Variants in RPS6KC1 observed in about 807,000 individuals in gnomAD.
RPS6KC1 encodes the protein ribosomal protein S6 kinase C1, also known as inactive ribosomal protein S6 kinase delta-1.
Under a neutral mutation model 103.8 loss-of-function variants are expected in RPS6KC1, and 54 were observed. The ratio of observed to expected loss-of-function variants is 0.52; its 90% confidence interval spans 0.42 to 0.65. The LOEUF is 0.65. Ranked by LOEUF, RPS6KC1 falls within the 30% of genes least tolerant of loss-of-function variation. The pLI is 0.00. For missense variants in RPS6KC1, 1,151 were observed against 1,253.8 expected, an observed-to-expected ratio of 0.92 and a Z score of 1.24; for synonymous variants, 439 against 438.7, an observed-to-expected ratio of 1.00 and a Z score of -0.01.
At chr1:213,290,585 A>G in the RPS6KC1 span, among the ~76,000 whole-genome samples, 1 of 151,590 alleles carries the variant, frequency 6.6e-6, no homozygotes, top group East Asian at 1.9e-4. Context: ...TCCAAACTAA[A>G]TTCCTAGGGC....
chr1:213,404,767 C>T, the RPS6KC1 span, among the ~76,000 whole-genome samples: 1 of 152,242 alleles, frequency 6.6e-6, no homozygotes, highest in East Asian at 1.9e-4. Context: ...AAAGATGGCA[C>T]CCACGGCCTC....
At chr1:213,157,818 T>C (rs1332897646) in intron 6 of RPS6KC1, among the ~76,000 whole-genome samples, 1 of 152,222 alleles carries the variant, frequency 6.6e-6, no homozygotes, top group Admixed American at 6.5e-5. Flanking sequence ...CTTATTTCTG[T>C]CATTTTTTGC....
chr1:213,626,112 G>T, the RPS6KC1 span, among the ~76,000 whole-genome samples: 1 of 152,128 alleles, frequency 6.6e-6, no homozygotes, highest in Non-Finnish European at 1.5e-5. Context: ...ACTTTTTAAT[G>T]ATCGCCATTC....
At chr1:213,063,487 A>C (rs145914758) in intron 1 of RPS6KC1, among the ~76,000 whole-genome samples, 3 of 152,296 alleles carry the variant, frequency 2.0e-5, no homozygotes, top group Admixed American at 2.0e-4. Flanking sequence ...TTCTTAGCAC[A>C]ATAAGAGATA....
the RPS6KC1 span, among the ~76,000 whole-genome samples, chr1:213,288,054 G>T: frequency 6.6e-6 from 1 of 152,218 alleles, no homozygotes; most frequent in African/African-American, 2.4e-5. Context: ...AAGCCAGGAG[G>T]TTGTGTGGTT....
the RPS6KC1 span, among the ~76,000 whole-genome samples, chr1:213,811,169 T>C: frequency 6.6e-6 from 1 of 152,224 alleles, no homozygotes; most frequent in South Asian, 2.1e-4. Context: ...CTTAATTTGC[T>C]CTTTTGCTAG....
At chr1:213,320,659 TC>T in the RPS6KC1 span, among the ~76,000 whole-genome samples, 1 of 152,252 alleles carries the variant, frequency 6.6e-6, no homozygotes, top group Non-Finnish European at 1.5e-5. Context: ...CGAAGGGGAT[TC>T]CTTTTCTTCT....
chr1:213,568,517 G>T, the RPS6KC1 span, among the ~76,000 whole-genome samples: 1 of 152,186 alleles, frequency 6.6e-6, no homozygotes, highest in Non-Finnish European at 1.5e-5. Context: ...TCCAATAGAA[G>T]ATGGAGCAGC....
the RPS6KC1 span, among the ~76,000 whole-genome samples, chr1:213,291,545 A>G: frequency 6.6e-6 from 1 of 152,224 alleles, no homozygotes; most frequent in Non-Finnish European, 1.5e-5. Flanking sequence ...ATTGACCACA[A>G]TGGGAGGTGC....
chr1:213,131,281 A>G (rs979856421), intron 6 of RPS6KC1, among the ~76,000 whole-genome samples: 2 of 152,178 alleles, frequency 1.3e-5, no homozygotes, highest in Admixed American at 1.3e-4. Flanking sequence ...CAAATAATTG[A>G]TTCTAAATTC....
chr1:213,332,332 G>T, the RPS6KC1 span, among the ~76,000 whole-genome samples: 1 of 152,224 alleles, frequency 6.6e-6, no homozygotes, highest in Non-Finnish European at 1.5e-5. Flanking sequence ...TTAGGTAGGA[G>T]GATTCACAGT....
chr1:213,573,946 C>G, the RPS6KC1 span, among the ~76,000 whole-genome samples: 1 of 152,190 alleles, frequency 6.6e-6, no homozygotes, highest in African/African-American at 2.4e-5. Context: ...GGTGGCCAGA[C>G]AGGCAGATAG....
chr1:213,417,592 G>A, the RPS6KC1 span, among the ~76,000 whole-genome samples: 1 of 152,050 alleles, frequency 6.6e-6, no homozygotes. Flanking sequence ...GGGAAGGGAG[G>A]TGGTGGGAAC....
At chr1:213,715,916 A>C in the RPS6KC1 span, among the ~76,000 whole-genome samples, 2 of 152,182 alleles carry the variant, frequency 1.3e-5, no homozygotes, top group Non-Finnish European at 2.9e-5. Flanking sequence ...TCAAGATTTG[A>C]ATGCTTTTAA....
the RPS6KC1 span, among the ~76,000 whole-genome samples, chr1:213,467,437 C>T: frequency 7.9e-5 from 12 of 152,240 alleles, no homozygotes; most frequent in South Asian, 2.1e-4. Context: ...TGAAATGATC[C>T]GGAACAATGT....
At chr1:213,410,088 G>T in the RPS6KC1 span, among the ~76,000 whole-genome samples, 1 of 152,212 alleles carries the variant, frequency 6.6e-6, no homozygotes. Context: ...CCAGGAGTTT[G>T]AGGCTGCAGT....
chr1:213,762,321 A>T, the RPS6KC1 span, among the ~76,000 whole-genome samples: 12 of 152,150 alleles, frequency 7.9e-5, no homozygotes, highest in African/African-American at 2.4e-4. Context: ...TCCTTTCTGC[A>T]CTACGCTGTT....
intron 1 of RPS6KC1, among the ~76,000 whole-genome samples, chr1:213,051,755 G>C (rs547987189): frequency 6.6e-5 from 10 of 152,292 alleles, no homozygotes; most frequent in African/African-American, 2.4e-4. Context: ...GCAGTCAGTG[G>C]TTGATGGTTT....
chr1:213,347,040 A>G, the RPS6KC1 span, among the ~76,000 whole-genome samples: 1 of 152,202 alleles, frequency 6.6e-6, no homozygotes, highest in Admixed American at 6.5e-5. Flanking sequence ...ATAGGCATTA[A>G]CCTGGCTTCC....
Sources: gnomAD v4.1 joint callset for allele counts (sites outside exome capture counted in the v4.1 genomes callset) on GRCh38, gnomAD v4.1.1 for gene constraint, MANE v1.5 for transcripts, NCBI Gene and HGNC (gene_info 2026-07-23, HGNC 2026-07-21) for gene names.